Variants in LHFPL6 observed in about 807,000 individuals in gnomAD.
LHFPL6 encodes LHFPL tetraspan subfamily member 6, also known as LHFPL tetraspan subfamily member 6 protein.
A neutral mutation model predicts 20.6 loss-of-function variants in LHFPL6; 9 were observed. The observed-to-expected ratio is 0.44, with a 90% CI of 0.26 to 0.76. The LOEUF (loss-of-function observed/expected upper bound fraction) is 0.76. Ranked by LOEUF, LHFPL6 falls within the 30% of genes least tolerant of loss-of-function variation. The pLI is 0.20. For missense variants in LHFPL6, 218 were observed against 253.5 expected, an observed-to-expected ratio of 0.86 and a Z score of 0.95; for synonymous variants, 105 against 98.7, an observed-to-expected ratio of 1.06 and a Z score of -0.38.
At chr13:39,485,716 G>A (rs563063688) in intron 2 of LHFPL6, among the ~76,000 whole-genome samples, 15 of 152,208 alleles carry the variant, frequency 9.9e-5, no homozygotes, top group African/African-American at 3.4e-4. Context: ...AAATCAGGGT[G>A]GAACTAAAGG....
chr13:39,449,564 G>C (rs1872386416), intron 2 of LHFPL6, among the ~76,000 whole-genome samples: 1 of 152,158 alleles, frequency 6.6e-6, no homozygotes, highest in African/African-American at 2.4e-5. Flanking sequence ...TCAGTTTAAA[G>C]TTTGGGATTT....
chr13:39,439,005 G>C (rs975253453), intron 2 of LHFPL6, among the ~76,000 whole-genome samples: 2 of 152,168 alleles, frequency 1.3e-5, no homozygotes, highest in Non-Finnish European at 2.9e-5. Context: ...GCCTAGTGGA[G>C]CTGTGAAAAG....
intron 2 of LHFPL6, among the ~76,000 whole-genome samples, chr13:39,509,245 T>G (rs142933583): frequency 1.2e-4 from 19 of 152,368 alleles, no homozygotes; most frequent in African/African-American, 4.1e-4. Flanking sequence ...GTTTTGAATA[T>G]TTTTAAATAA....
At chr13:39,500,293 C>A (rs4943669) in intron 2 of LHFPL6, among the ~76,000 whole-genome samples, 1 of 152,106 alleles carries the variant, frequency 6.6e-6, no homozygotes, top group Admixed American at 6.5e-5. Context: ...CAGCCTCGAC[C>A]TCCTGGGCTC....
intron 3 of LHFPL6, among the ~76,000 whole-genome samples, chr13:39,364,415 T>C (rs1265215445): frequency 6.6e-6 from 1 of 152,178 alleles, no homozygotes; most frequent in African/African-American, 2.4e-5. Flanking sequence ...AGGCCCTGTG[T>C]CACCCCATCC....
chr13:39,556,630 G>T (rs1871311575), intron 2 of LHFPL6, among the ~76,000 whole-genome samples: 1 of 152,082 alleles, frequency 6.6e-6, no homozygotes, highest in Admixed American at 6.5e-5. Flanking sequence ...ATCAGATAAC[G>T]GGACCAAAGA....
At chr13:39,355,316 T>C (rs1374806746) in intron 3 of LHFPL6, among the ~76,000 whole-genome samples, 1 of 151,686 alleles carries the variant, frequency 6.6e-6, no homozygotes, top group Non-Finnish European at 1.5e-5. Context: ...AAAGGAGAAA[T>C]AAAATCCTTC....
intron 2 of LHFPL6, among the ~76,000 whole-genome samples, chr13:39,447,249 G>A (rs1872314863): frequency 6.6e-6 from 1 of 152,156 alleles, no homozygotes; most frequent in South Asian, 2.1e-4. Flanking sequence ...TGCCCATTTA[G>A]TACAGTGCAG....
chr13:39,499,155 C>T (rs368473824), intron 2 of LHFPL6, among the ~76,000 whole-genome samples: 72 of 151,986 alleles, frequency 4.7e-4, no homozygotes, highest in South Asian at 1.7e-3. Flanking sequence ...GTACCACGCA[C>T]CCGGCCTGCC....
At chr13:39,584,006 G>A (rs1227369597) in intron 2 of LHFPL6, among the ~76,000 whole-genome samples, 1 of 152,086 alleles carries the variant, frequency 6.6e-6, no homozygotes, top group East Asian at 1.9e-4. Context: ...GACTTCCTTA[G>A]GAATGTCTTC....
chr13:39,444,837 G>A (rs1034410366), intron 2 of LHFPL6, among the ~76,000 whole-genome samples: 1 of 152,178 alleles, frequency 6.6e-6, no homozygotes, highest in Non-Finnish European at 1.5e-5. Context: ...GCAATGCCTA[G>A]TGGAGCCATG....
At chr13:39,466,936 G>T (rs1442875719) in intron 2 of LHFPL6, among the ~76,000 whole-genome samples, 1 of 152,046 alleles carries the variant, frequency 6.6e-6, no homozygotes, top group African/African-American at 2.4e-5. Flanking sequence ...TCATCTATTT[G>T]CTTTGTTCTA....
intron 2 of LHFPL6, among the ~76,000 whole-genome samples, chr13:39,438,589 CCCT>C (rs751024039): frequency 2.0e-5 from 3 of 152,146 alleles, no homozygotes; most frequent in East Asian, 1.9e-4. Context: ...TCAAGGAAGC[CCCT>C]CCTATCACAG....
chr13:39,472,038 C>T (rs1872960821), intron 2 of LHFPL6, among the ~76,000 whole-genome samples: 1 of 152,110 alleles, frequency 6.6e-6, no homozygotes. Context: ...CAGGTATTCC[C>T]AAAATTACAC....
intron 2 of LHFPL6, among the ~76,000 whole-genome samples, chr13:39,416,132 G>T (rs1871343178): frequency 6.6e-6 from 1 of 152,202 alleles, no homozygotes; most frequent in Non-Finnish European, 1.5e-5. Flanking sequence ...AAATTAATAT[G>T]AACTGACGTC....
At chr13:39,546,279 T>C (rs1870980275) in intron 2 of LHFPL6, among the ~76,000 whole-genome samples, 1 of 152,130 alleles carries the variant, frequency 6.6e-6, no homozygotes. Flanking sequence ...GCTTAAAATG[T>C]GGCCTATGTT....
At chr13:39,555,399 G>C (rs75165644) in intron 2 of LHFPL6, among the ~76,000 whole-genome samples, 2,607 of 150,896 alleles carry the variant, frequency 0.017, 71 homozygotes, top group African/African-American at 0.061. Context: ...ATGCGATAGC[G>C]CTTTCTTTTA....
intron 2 of LHFPL6, among the ~76,000 whole-genome samples, chr13:39,468,303 T>C (rs551313975): frequency 5.3e-5 from 8 of 152,348 alleles, no homozygotes; most frequent in African/African-American, 1.7e-4. Context: ...TTTTCTATAA[T>C]AGAAAATGAA....
At chr13:39,376,178 A>G (rs1870290276) in intron 3 of LHFPL6, among the ~76,000 whole-genome samples, 1 of 152,282 alleles carries the variant, frequency 6.6e-6, no homozygotes, top group Admixed American at 6.5e-5. Flanking sequence ...CACAATAACA[A>G]CAGGTCAGCA....
Sources: allele counts gnomAD v4.1 joint callset (sites outside exome capture counted in the v4.1 genomes callset), GRCh38; gene constraint gnomAD v4.1.1; transcripts MANE v1.5; gene names NCBI Gene and HGNC (gene_info 2026-07-23, HGNC 2026-07-21).